CTNNA2: variants seen among roughly 807,000 people sequenced by gnomAD.
CTNNA2 encodes catenin alpha-2.
A neutral mutation model predicts 101.0 loss-of-function variants in CTNNA2; 42 were observed. The ratio of observed to expected loss-of-function variants is 0.42; its 90% confidence interval spans 0.32 to 0.54. The LOEUF (loss-of-function observed/expected upper bound fraction) is 0.54. Ranked by LOEUF, CTNNA2 falls within the 20% of genes least tolerant of loss-of-function variation. The pLI is 0.14. For missense variants in CTNNA2, 871 were observed against 1,223.1 expected (o/e 0.71, Z 4.29); for synonymous variants, 450 against 456.4 (o/e 0.99, Z 0.18).
chr2:79,931,618 C>A (rs565051798), intron 7 of CTNNA2, among the ~76,000 whole-genome samples: 1 of 152,250 alleles, frequency 6.6e-6, no homozygotes, highest in African/African-American at 2.4e-5. Flanking sequence ...ATTTCCTCAA[C>A]AATGGCACAG....
chr2:80,212,688 T>C (rs1302980910), intron 7 of CTNNA2, among the ~76,000 whole-genome samples: 1 of 152,174 alleles, frequency 6.6e-6, no homozygotes, highest in Non-Finnish European at 1.5e-5. Flanking sequence ...TCTTTTTTTG[T>C]TGTGTCTCTG....
chr2:79,592,265 T>C (rs1033972735), intron 1 of CTNNA2, among the ~76,000 whole-genome samples: 1 of 151,286 alleles, frequency 6.6e-6, no homozygotes, highest in African/African-American at 2.4e-5. Flanking sequence ...GGATTACAGG[T>C]GCCCAACACC....
chr2:80,560,069 A>AG (rs142629093), intron 12 of CTNNA2, among the ~76,000 whole-genome samples: 2,120 of 141,072 alleles, frequency 0.015, 80 homozygotes, highest in African/African-American at 0.045. Flanking sequence ...AAAAAAAAAA[A>AG]AAAGAAAAAA....
chr2:80,331,687 A>G (rs1486561313), intron 7 of CTNNA2, among the ~76,000 whole-genome samples: 1 of 152,152 alleles, frequency 6.6e-6, no homozygotes, highest in East Asian at 1.9e-4. Context: ...ACTTTTCGCT[A>G]GCAAAAACCA....
chr2:80,337,354 C>A (rs1289323121), intron 7 of CTNNA2, among the ~76,000 whole-genome samples: 3 of 145,944 alleles, frequency 2.1e-5, no homozygotes, highest in Non-Finnish European at 4.5e-5. Context: ...GACTCTGTCT[C>A]AAAAAAAAAC....
At chr2:79,574,237 G>T (rs200533987) in intron 1 of CTNNA2, 2 of 152,024 alleles carry the variant, frequency 1.3e-5, no homozygotes, top group East Asian at 3.9e-4. Context: ...TTTATTTTAG[G>T]TTCAGGGATA....
At chr2:79,655,828 C>CAAAAAAAAAAA (rs34282777) in intron 2 of CTNNA2, among the ~76,000 whole-genome samples, 1 of 136,252 alleles carries the variant, frequency 7.3e-6, no homozygotes. Context: ...GACTCCATCT[C>CAAAAAAAAAAA]AAAAAAAAAA....
intron 8 of CTNNA2, among the ~76,000 whole-genome samples, chr2:80,399,241 T>G (rs1259452202): frequency 6.6e-6 from 1 of 152,038 alleles, no homozygotes; most frequent in African/African-American, 2.4e-5. Flanking sequence ...AAAACAACCC[T>G]AAATGTCAGA....
intron 6 of CTNNA2, among the ~76,000 whole-genome samples, chr2:79,893,624 A>C (rs1684457204): frequency 2.0e-5 from 3 of 152,176 alleles, no homozygotes; most frequent in Non-Finnish European, 2.9e-5. Context: ...TTATTAGAGA[A>C]TAATATGCTA....
chr2:79,374,766 A>AT (rs5832384), intron 4 of CTNNA2, among the ~76,000 whole-genome samples: 2 of 151,990 alleles, frequency 1.3e-5, no homozygotes, highest in East Asian at 1.9e-4. Flanking sequence ...ACTCCATGAG[A>AT]TTTTTTTTCC....
chr2:79,740,194 T>C (rs1307879203), intron 2 of CTNNA2, among the ~76,000 whole-genome samples: 3 of 152,126 alleles, frequency 2.0e-5, no homozygotes, highest in African/African-American at 7.2e-5. Flanking sequence ...GGCCCCAGTG[T>C]GTGTTGTTCC....
intron 1 of CTNNA2, among the ~76,000 whole-genome samples, chr2:79,545,485 G>GT (rs1673673979): frequency 1.3e-5 from 2 of 152,260 alleles, no homozygotes; most frequent in South Asian, 4.2e-4. Context: ...AAAGGAACTG[G>GT]TTTAACTCCT....
chr2:79,744,801 C>T (rs1419803547), intron 3 of CTNNA2, among the ~76,000 whole-genome samples: 3 of 152,068 alleles, frequency 2.0e-5, no homozygotes, highest in South Asian at 2.1e-4. Flanking sequence ...TCTGCTGTTA[C>T]GTCAAATCTT....
intron 3 of CTNNA2, among the ~76,000 whole-genome samples, chr2:79,824,218 C>T (rs928576070): frequency 2.0e-5 from 3 of 152,164 alleles, no homozygotes; most frequent in South Asian, 2.1e-4. Context: ...GTTTTCACAA[C>T]GTGCTGCTGC....
intron 3 of CTNNA2, among the ~76,000 whole-genome samples, chr2:79,817,693 A>G (rs1180351352): frequency 6.6e-6 from 1 of 152,202 alleles, no homozygotes; most frequent in Non-Finnish European, 1.5e-5. Flanking sequence ...CGAGAACACG[A>G]GAGTTGTGCC....
intron 1 of CTNNA2, among the ~76,000 whole-genome samples, chr2:79,192,793 T>C (rs1673892389): frequency 6.6e-6 from 1 of 152,092 alleles, no homozygotes; most frequent in South Asian, 2.1e-4. Context: ...GTGACAAGAA[T>C]TGTAGATTTT....
At chr2:80,045,141 C>G (rs993181767) in intron 7 of CTNNA2, among the ~76,000 whole-genome samples, 9 of 152,138 alleles carry the variant, frequency 5.9e-5, no homozygotes, top group Non-Finnish European at 1.3e-4. Context: ...CCCAAGGGGG[C>G]CAGGCAAAGT....
chr2:79,869,908 T>G lies in CTNNA2; in HGVS notation c.558T>G (p.Leu186=). The G allele has an allele frequency of 1.2e-6, 2 of 1,614,002 alleles. No homozygotes were observed. The highest frequency in any genetic ancestry group is 1.7e-6 in the Non-Finnish European group (2 of 1,179,998). The change falls in exon 5 of 19, where the codon CTT becomes CTG. Residue 186 remains leucine (L), a synonymous_variant. Transcript: ENST00000402739. ...FKEFGKEMVK[L]NYVAARRQQE... ...AGTTTGGGAAAGAGATGGTGAAACT[T>G]AACTATGTAGCAGCAAGAAGACAAC...
chr2:79,953,408 G>C (rs1489229019), intron 7 of CTNNA2, among the ~76,000 whole-genome samples: 1 of 152,156 alleles, frequency 6.6e-6, no homozygotes, highest in African/African-American at 2.4e-5. Flanking sequence ...TCACACTCCT[G>C]TCCTCATGAA....
Sources: gnomAD v4.1 joint callset for allele counts (sites outside exome capture counted in the v4.1 genomes callset) on GRCh38, gnomAD v4.1.1 for gene constraint, MANE v1.5 for transcripts, NCBI Gene and HGNC (gene_info 2026-07-23, HGNC 2026-07-21) for gene names.